The following TJP3 variants were observed in gnomAD, a reference collection of about 807,000 sequenced individuals.
TJP3 encodes the protein tight junction protein 3, also known as tight junction protein ZO-3.
A neutral mutation model predicts 104.2 loss-of-function variants in TJP3; 85 were observed. The observed-to-expected ratio is 0.82, with a 90% CI of 0.68 to 0.98. The LOEUF (loss-of-function observed/expected upper bound fraction) is 0.98. Among genes scored for constraint, TJP3 ranks in the 50% least tolerant of loss-of-function variants. TJP3 has a pLI of 0.00. For synonymous variants in TJP3, 550 were observed against 550.6 expected (o/e 1.00, Z 0.02); for missense variants, 1,367 against 1,322.8 (o/e 1.03, Z -0.52).
Position 3,746,774 on chromosome 19 carries a change from A to C in TJP3, c.2222-2A>C, listed in dbSNP as rs190726366. The C allele has an allele frequency of 5.6e-6, 9 of 1,607,582 alleles. No individual in the cohort carries two copies. In the East Asian group the frequency reaches 2.0e-4, roughly 36 times the overall value. ...GCACACACTGACGTCCCCTCCCTGCAGCCACCATCCCTCTGAATGGCACGA... is the reference window on the plus strand; with the variant it reads ...GCACACACTGACGTCCCCTCCCTGCCGCCACCATCCCTCTGAATGGCACGA... On this transcript the variant is annotated splice_acceptor_variant, in intron 17 of 20. Transcript: ENST00000541714. LOFTEE classifies it high-confidence loss of function. The surrounding 1 kb of genome is among the most constrained non-coding windows in gnomAD (Gnocchi z 4.1).
At chr19:3,750,106 G>C in intron 19 of TJP3, 32 bp from the exon 20 acceptor site, 1 of 1,614,036 alleles carries the variant, frequency 6.2e-7, no homozygotes, top group Non-Finnish European at 8.5e-7. Context: ...TCTGGGGGGA[G>C]TTTTGAAGCT....
At chr19:3,747,726 G>T in intron 18 of TJP3, 68 bp from the exon 19 acceptor site, 4 of 1,453,800 alleles carry the variant, frequency 2.8e-6, no homozygotes, top group Admixed American at 2.5e-5. Flanking sequence ...TTGAAGGTGG[G>T]GGGATGTCGT....
intron 13 of TJP3, 79 bp from the exon 14 acceptor site, chr19:3,740,473 C>G: frequency 4.2e-6 from 4 of 956,212 alleles, no homozygotes; most frequent in Non-Finnish European, 5.6e-6. Flanking sequence ...CCACAGGCTC[C>G]GAGGGGTAGG....
At chr19:3,745,307 G>A (rs749489683) in intron 15 of TJP3, among the ~76,000 whole-genome samples, 12 of 151,720 alleles carry the variant, frequency 7.9e-5, no homozygotes, top group African/African-American at 2.4e-4. Context: ...CACCATGCCC[G>A]GCTAATTTTT....
chr19:3,747,900 A>G lies in TJP3; in HGVS notation c.2429A>G (p.Asp810Gly), dbSNP rs1344161817. ...CGCGTTAACAGCGACTACGAGACGG[A>G]CGGCGAGGGCGGCGCGTACACGGAT... ...DSRVNSDYET[D>G]GEGGAYTDGE... is the part of the protein sequence containing the mutation. The change falls in exon 19 of 21, where the codon GAC (aspartate) becomes GGC (glycine). Residue 810 changes from aspartate (D) to glycine (G), a missense_variant. By Grantham distance (94) the Asp-to-Gly change is moderately conservative. Transcript: ENST00000541714. 1 of 1,613,224 alleles carries G rather than the reference A, an allele frequency of 6.2e-7. No homozygotes were observed. Among genetic ancestry groups the G allele is most frequent in the Admixed American group, 1.7e-5 (1 of 60,008 alleles).
At chr19:3,708,722 G>T (rs1314495628) in intron 1 of TJP3, among the ~76,000 whole-genome samples, 161 bp downstream of exon 1, 2 of 152,062 alleles carry the variant, frequency 1.3e-5, no homozygotes, top group Non-Finnish European at 2.9e-5. Context: ...GTGGGCATCT[G>T]ACATAGTTTC....
In TJP3 at chr19:3,747,913, C is replaced by A. The variant is rs1432149603; in HGVS notation, c.2442C>A (p.Gly814=). The change falls in exon 19 of 21, where the codon GGC becomes GGA. Residue 814 remains glycine, a synonymous_variant. Transcript: ENST00000541714. The part of the protein sequence containing the change: ...NSDYETDGEG[G]AYTDGEGYTD... ...ACTACGAGACGGACGGCGAGGGCGG[C>A]GCGTACACGGATGGCGAGGGCTACA... 1 of 1,613,196 alleles carries A rather than the reference C, an allele frequency of 6.2e-7. No individual in the cohort carries two copies. The highest frequency in any genetic ancestry group is 8.5e-7 in the Non-Finnish European group (1 of 1,179,918).
intron 19 of TJP3, among the ~76,000 whole-genome samples, chr19:3,748,567 C>CCTTT (rs2036939344): frequency 2.8e-5 from 3 of 107,904 alleles, no homozygotes; most frequent in African/African-American, 7.1e-5. Flanking sequence ...TGCACCCAGG[C>CCTTT]TTTTTTTTTT....
intron 1 of TJP3, among the ~76,000 whole-genome samples, chr19:3,724,371 A>G (rs757890824): frequency 6.6e-6 from 1 of 151,502 alleles, no homozygotes; most frequent in African/African-American, 2.4e-5. Context: ...AATTTTTTGT[A>G]TTTTTAGTAG....
intron 1 of TJP3, among the ~76,000 whole-genome samples, chr19:3,709,394 A>G (rs1449286274): frequency 6.6e-6 from 1 of 151,936 alleles, no homozygotes; most frequent in Admixed American, 6.6e-5. Flanking sequence ...CTGCGCCCAG[A>G]CTTCTTTTTC....
intron 18 of TJP3, among the ~76,000 whole-genome samples, chr19:3,747,190 A>G (rs1030729964): frequency 2.0e-5 from 3 of 151,278 alleles, no homozygotes; most frequent in Admixed American, 6.6e-5. Context: ...CCTCCCGAGT[A>G]GCTGGGACTA....
chr19:3,715,522 G>A (rs1371349557), intron 1 of TJP3, among the ~76,000 whole-genome samples: 1 of 152,176 alleles, frequency 6.6e-6, no homozygotes, highest in Non-Finnish European at 1.5e-5. Flanking sequence ...GAGCCATCGA[G>A]TGTTCTTGAG....
chr19:3,744,148 C>G, intron 15 of TJP3, 114 bp downstream of exon 15: 1 of 893,616 alleles, frequency 1.1e-6, no homozygotes, highest in Non-Finnish European at 1.8e-6. Flanking sequence ...GCAGATGGGC[C>G]ACCAGTGCCC....
At chr19:3,737,742 G>C (rs2036755314) in intron 11 of TJP3, among the ~76,000 whole-genome samples, 1 of 152,180 alleles carries the variant, frequency 6.6e-6, no homozygotes, top group Non-Finnish European at 1.5e-5. Flanking sequence ...GTGAAAACTT[G>C]ATGCCAAATT....
intron 14 of TJP3, among the ~76,000 whole-genome samples, chr19:3,741,183 A>T (rs563928149): frequency 1.4e-4 from 21 of 151,852 alleles, no homozygotes; most frequent in African/African-American, 5.1e-4. Flanking sequence ...TTGTATTTTT[A>T]GTAAAGACGG....
Position 3,728,276 on chromosome 19 carries a change from C to T in TJP3, c.-9-148C>T, listed in dbSNP as rs2036622460. 16 of 1,253,356 alleles carry T rather than the reference C, an allele frequency of 1.3e-5. No homozygotes were observed. The South Asian group carries it at 2.5e-4, about 19-fold the overall frequency. The allele number at this position is 1,253,356 out of a possible 1,614,324, so 77.6% of individuals were successfully genotyped here. A position where few individuals can be genotyped will look rare whatever the true frequency, so the allele number is the denominator to read the frequency against. On this transcript the variant is annotated intron_variant, in intron 1 of 20. Transcript: ENST00000541714. Reference sequence around the variant, plus strand: ...CAAAACAAAAAAACAAACAAAAAAACCTGAGGCCCTGAGAGAGGTAGTAAC... The same window carrying T: ...CAAAACAAAAAAACAAACAAAAAAATCTGAGGCCCTGAGAGAGGTAGTAAC...
chr19:3,709,221 G>A (rs1419016169), intron 1 of TJP3, among the ~76,000 whole-genome samples: 1 of 151,880 alleles, frequency 6.6e-6, no homozygotes, highest in African/African-American at 2.4e-5. Context: ...TCTGCCTCCC[G>A]AGTAGCTGGG....
chr19:3,731,611 C>T (rs1240226575), intron 5 of TJP3, among the ~76,000 whole-genome samples: 3 of 151,938 alleles, frequency 2.0e-5, no homozygotes, highest in Non-Finnish European at 1.5e-5. Flanking sequence ...CCAGCCCCGG[C>T]GATAGGAGTG....
At position 3,733,865 on chromosome 19, in the gene TJP3, T is replaced by A. The variant is rs747401326; in HGVS notation, c.830T>A (p.Val277Glu). The change falls in exon 7 of 21, where the codon GTG (valine) becomes GAG (glutamate). Residue 277 changes from valine (V) to glutamate (E), a missense_variant. Physicochemically the swap from Val to Glu is moderately radical, Grantham distance 121. Coordinates refer to ENST00000541714, the MANE Select transcript of TJP3 (RefSeq NM_001267560.2). ...CTGAGAGATCGTGGGCAGTTCCTGGTGAACATTCCGCCTGCTGTCAGTGAC... is the reference window on the plus strand; with the variant it reads ...CTGAGAGATCGTGGGCAGTTCCTGGAGAACATTCCGCCTGCTGTCAGTGAC... The part of the protein sequence containing the change: ...LVLRDRGQFL[V>E]NIPPAVSDSD... 6.2e-7 allele frequency: 1 copy of A among 1,614,168 alleles called. No individual in the cohort carries two copies. Among genetic ancestry groups the A allele is most frequent in the South Asian group, 1.1e-5 (1 of 91,078 alleles).
Sources: allele counts gnomAD v4.1 joint callset (sites outside exome capture counted in the v4.1 genomes callset), GRCh38; gene constraint gnomAD v4.1.1; non-coding constraint Gnocchi (gnomAD v3.1); transcripts MANE v1.5; gene names NCBI Gene and HGNC (gene_info 2026-07-23, HGNC 2026-07-21).